Variants in ARHGAP6 observed in about 807,000 individuals in gnomAD.
ARHGAP6 encodes the protein Rho GTPase activating protein 6.
Under a neutral mutation model 55.7 loss-of-function variants are expected in ARHGAP6, and 16 were observed. The observed-to-expected ratio is 0.29, with a 90% CI of 0.19 to 0.44. ARHGAP6 has a LOEUF of 0.44. Among genes scored for constraint, ARHGAP6 ranks in the 20% least tolerant of loss-of-function variants. ARHGAP6 has a pLI of 1.00. For missense variants in ARHGAP6, 698 were observed against 808.9 expected (o/e 0.86, Z 1.66); for synonymous variants, 382 against 360.9 (o/e 1.06, Z -0.66).
intron 9 of ARHGAP6, among the ~76,000 whole-genome samples, chrX:11,166,439 T>C (rs985359256): frequency 8.9e-6 from 1 of 112,122 alleles, no homozygotes; most frequent in Admixed American, 9.5e-5. Flanking sequence ...TACTAACTAC[T>C]TTTAACCATC....
rs2046259038 is a variant in ARHGAP6, at chrX:11,178,087, A to G, written c.1629+13T>C. The G allele has an allele frequency of 8.3e-7, 1 of 1,211,328 alleles. No homozygotes were observed. The highest frequency in any genetic ancestry group is 1.1e-6 in the Non-Finnish European group (1 of 895,354). On this transcript the variant is annotated intron_variant, in intron 8 of 12. Coordinates refer to ENST00000337414, the MANE Select transcript of ARHGAP6 (RefSeq NM_013427.3). ...GAAGAGTCACGGCATCTATGGCAGC[A>G]AAGGCATCTTACCTCTTGCCCATCT...
At chrX:11,608,397 A>G (rs2052060553) in intron 1 of ARHGAP6, among the ~76,000 whole-genome samples, 1 of 111,675 alleles carries the variant, frequency 9.0e-6, no homozygotes, top group East Asian at 2.8e-4. Context: ...TGCCTAGTAA[A>G]CTCTGACAAC....
chrX:11,487,921 A>G (rs2050527798), intron 1 of ARHGAP6, among the ~76,000 whole-genome samples: 1 of 112,433 alleles, frequency 8.9e-6, no homozygotes, highest in African/African-American at 3.2e-5. Context: ...CACCACTAAA[A>G]CTAGTGAGTG....
chrX:11,152,551 A>C (rs995445657), intron 10 of ARHGAP6, among the ~76,000 whole-genome samples: 7 of 111,483 alleles, frequency 6.3e-5, no homozygotes, highest in African/African-American at 2.0e-4. Flanking sequence ...GTCCTGGTGC[A>C]AGCTCCCCAA....
chrX:11,153,939 A>T (rs2045826707), intron 10 of ARHGAP6, among the ~76,000 whole-genome samples: 2 of 110,394 alleles, frequency 1.8e-5, no homozygotes, highest in Admixed American at 9.6e-5. Flanking sequence ...CATTAGGTAT[A>T]TCTCCTAATG....
In ARHGAP6 at chrX:11,470,158, T is replaced by C. The variant is rs775382942; in HGVS notation, c.588+194083A>G. Among the ~76,000 whole-genome samples the C allele has an allele frequency of 5.4e-5, 6 of 111,891 alleles. No homozygotes were observed. The East Asian group carries it at 1.7e-3, about 31-fold the overall frequency. ...TTTCAAGATACAATGTTGTTGAACA[T>C]TGATAAATAAATGATGAAGCTAAAC... On this transcript the variant is annotated intron_variant, in intron 1 of 12. Transcript: ENST00000337414.
intron 1 of ARHGAP6, among the ~76,000 whole-genome samples, chrX:11,453,897 C>A (rs1220589396): frequency 3.6e-5 from 4 of 111,463 alleles, no homozygotes; most frequent in Non-Finnish European, 7.5e-5. Context: ...CAGCTGTTTT[C>A]TCATCTTCTT....
chrX:11,609,230 T>C (rs2052073383), intron 1 of ARHGAP6, among the ~76,000 whole-genome samples: 1 of 111,518 alleles, frequency 9.0e-6, no homozygotes, highest in Non-Finnish European at 1.9e-5. Flanking sequence ...GCAGGGAGTT[T>C]ACATAGGAAG....
intron 9 of ARHGAP6, among the ~76,000 whole-genome samples, chrX:11,163,549 C>G (rs765167444): frequency 1.8e-5 from 2 of 112,353 alleles, no homozygotes; most frequent in Admixed American, 1.9e-4. Flanking sequence ...TAAAACCCAG[C>G]AAAAGTAAAT....
chrX:11,347,121 G>C (rs192902191), intron 1 of ARHGAP6, among the ~76,000 whole-genome samples: 3 of 112,006 alleles, frequency 2.7e-5, no homozygotes, highest in African/African-American at 9.7e-5. Context: ...TGTAATACAG[G>C]TAAAAATACT....
chrX:11,147,534 C>T (rs2045715977), intron 10 of ARHGAP6, among the ~76,000 whole-genome samples: 1 of 112,421 alleles, frequency 8.9e-6, no homozygotes, highest in African/African-American at 3.2e-5. Context: ...ATTGTGGATA[C>T]CTTCATTACA....
At chrX:11,462,137 T>C (rs2050251339) in intron 1 of ARHGAP6, among the ~76,000 whole-genome samples, 1 of 111,874 alleles carries the variant, frequency 8.9e-6, no homozygotes, top group African/African-American at 3.2e-5. Flanking sequence ...ATAGTAAGAG[T>C]GTCTACTGGC....
intron 1 of ARHGAP6, among the ~76,000 whole-genome samples, chrX:11,628,507 GCTATAT>G (rs752745888): frequency 3.5e-5 from 4 of 112,718 alleles, no homozygotes; most frequent in Non-Finnish European, 5.6e-5. Flanking sequence ...TTTTAAAACA[GCTATAT>G]TCTCTGCATA....
chrX:11,366,770 T>C (rs2049084543), intron 1 of ARHGAP6, among the ~76,000 whole-genome samples: 1 of 112,241 alleles, frequency 8.9e-6, no homozygotes, highest in African/African-American at 3.2e-5. Context: ...TTTTAAGTTC[T>C]TTCCTGTGTA....
rs907209648 is a variant in ARHGAP6 at position 11,266,088 on chromosome X, A to C, written c.589-11381T>G. ...GTGTGTGTGTGAGAGAGAGAGAGAG[A>C]GAGAGAGGGTGAGAGAGAGAGAGAG... On this transcript the variant is annotated intron_variant, in intron 1 of 12. Coordinates refer to ENST00000337414, the MANE Select transcript of ARHGAP6 (RefSeq NM_013427.3). 4 of 334,475 alleles carry C rather than the reference A, an allele frequency of 1.2e-5. No individual in the cohort carries two copies. In the African/African-American group the frequency reaches 1.2e-4, roughly 10 times the overall value. 27.6% of individuals were successfully genotyped at this position (334,475 alleles called of 1,213,427 possible).
rs757326649 is a variant in ARHGAP6 at position 11,179,433 on chromosome X, C to T, written c.1349G>A (p.Arg450His). 1.6e-5 allele frequency: 19 copies of T among 1,208,536 alleles called. No homozygotes were observed. Among genetic ancestry groups the T allele is most frequent in the African/African-American group, 3.5e-5 (2 of 57,565 alleles). Residue 450 changes from arginine (R) to histidine (H), a missense_variant, in exon 7 of 13, where the codon CGT becomes CAT. Arg to His is a conservative substitution (Grantham distance 29). Around this residue, in one of 3 missense-constraint regions of ARHGAP6, gnomAD observed 322 missense variants for 451.1 expected, o/e 0.71. Coordinates refer to ENST00000337414, the MANE Select transcript of ARHGAP6 (RefSeq NM_013427.3). ...RVRQLREEFD[R>H]GIDVSLEEEH... The stretch of plus-strand genomic sequence containing the variant: ...CTCCTCCAGAGAGACATCAATCCCA[C>T]GGTCAAATTCCTCACGTAACTGGAA...
intron 1 of ARHGAP6, among the ~76,000 whole-genome samples, chrX:11,506,798 C>A (rs925823165): frequency 3.6e-5 from 4 of 111,504 alleles, no homozygotes; most frequent in Non-Finnish European, 5.6e-5. Context: ...AGTTCTAGAT[C>A]CTTGAGGAAT....
intron 1 of ARHGAP6, among the ~76,000 whole-genome samples, chrX:11,606,121 A>T (rs1471800048): frequency 9.0e-6 from 1 of 111,646 alleles, no homozygotes; most frequent in East Asian, 2.8e-4. Flanking sequence ...TTTCAGGATG[A>T]TTTTCTGTGT....
At chrX:11,339,487 C>T (rs773329443) in intron 1 of ARHGAP6, among the ~76,000 whole-genome samples, 32 of 110,844 alleles carry the variant, frequency 2.9e-4, no homozygotes, top group Non-Finnish European at 4.9e-4. Context: ...GCCAGCCTGT[C>T]TCAGATCATA....
Sources: gnomAD v4.1 joint callset for allele counts (sites outside exome capture counted in the v4.1 genomes callset) on GRCh38, gnomAD v4.1.1 for gene constraint, gnomAD v4.1.1 regional missense constraint, MANE v1.5 for transcripts, NCBI Gene and HGNC (gene_info 2026-07-23, HGNC 2026-07-21) for gene names.